The following ALS2CL variants were observed in gnomAD, a reference collection of about 807,000 sequenced individuals.
ALS2CL encodes ALS2 C-terminal-like protein.
Under a neutral mutation model 127.9 loss-of-function variants are expected in ALS2CL, and 112 were observed. That is an observed-to-expected ratio of 0.88 (90% CI 0.75 to 1.02). ALS2CL has a LOEUF of 1.02. ALS2CL is among the 50% of genes least tolerant of loss of function. The probability of loss-of-function intolerance (pLI) is 0.00; values close to 1 mark genes in which losing one functional copy is unlikely to be tolerated. For missense variants in ALS2CL, 1,174 were observed against 1,236.7 expected (o/e 0.95, Z 0.76); for synonymous variants, 519 against 527.6 (o/e 0.98, Z 0.22).
chr3:46,671,724 C>A, intron 24 of ALS2CL, 140 bp from the exon 25 acceptor site: 1 of 1,534,174 alleles, frequency 6.5e-7, no homozygotes, highest in Non-Finnish European at 8.8e-7. Context: ...AGCACCCCAG[C>A]ACCCTGGCTG....
At position 46,681,183 on chromosome 3, in the gene ALS2CL, A is replaced by G; in HGVS notation, c.1436+63T>C. The G allele has an allele frequency of 6.2e-7, 1 of 1,608,292 alleles. No individual in the cohort carries two copies. The highest frequency in any genetic ancestry group is 8.5e-7 in the Non-Finnish European group (1 of 1,175,540). On this transcript the variant is annotated intron_variant, in intron 13 of 25. Transcript: ENST00000318962. The surrounding 1 kb of genome is among the most constrained non-coding windows in gnomAD (Gnocchi z 4.9). Reference sequence around the variant, plus strand: ...AAACAGGAGCCTGTGTCCTGCAACAATCTGGTCTGTGAGGGCCCGGTCCAC... The same window carrying G: ...AAACAGGAGCCTGTGTCCTGCAACAGTCTGGTCTGTGAGGGCCCGGTCCAC...
rs1414325367 is a variant in ALS2CL, at chr3:46,678,247, C to CCAGGCACT, written c.1757+4_1757+11dup. 1.3e-6 allele frequency: 2 copies of CCAGGCACT among 1,568,782 alleles called. No homozygotes were observed. Among genetic ancestry groups the CCAGGCACT allele is most frequent in the East Asian group, 4.6e-5 (2 of 43,828 alleles). On this transcript the variant is annotated intron_variant, in intron 16 of 25. Coordinates refer to ENST00000318962, the MANE Select transcript of ALS2CL (RefSeq NM_147129.5). ...CCAGATAGGCCCAGAGCCAGAGGGG[C>CCAGGCACT]CAGGCACTCACCTCTTGCAGGTACT...
chr3:46,674,520 G>A (rs369570264), intron 21 of ALS2CL, 46 bp downstream of exon 21: 24 of 1,579,602 alleles, frequency 1.5e-5, no homozygotes, highest in African/African-American at 2.7e-5. Flanking sequence ...AGTCTGAGTC[G>A]AGTTTGAGTC....
In ALS2CL at chr3:46,682,106, T is replaced by C; in HGVS notation, c.1110-12A>G. ...ATTTCAGGGTTCCCCTGGAACACAG[T>C]GGAGGTTCACGAGCCTCAGGCCTAC... On this transcript the variant is annotated splice_polypyrimidine_tract_variant and intron_variant, in intron 10 of 25. Transcript: ENST00000318962. 3.7e-6 allele frequency: 6 copies of C among 1,613,422 alleles called. No homozygotes were observed. Among genetic ancestry groups the C allele is most frequent in the Non-Finnish European group, 5.1e-6 (6 of 1,179,802 alleles).
chr3:46,671,691 G>A, intron 24 of ALS2CL, 107 bp from the exon 25 acceptor site: 1 of 1,577,462 alleles, frequency 6.3e-7, no homozygotes, highest in Non-Finnish European at 8.6e-7. Flanking sequence ...GGACACCTGG[G>A]GTGTGGTCCT....
chr3:46,682,276 C>G (rs1396796499), intron 10 of ALS2CL, among the ~76,000 whole-genome samples, 182 bp from the exon 11 acceptor site: 2 of 152,236 alleles, frequency 1.3e-5, no homozygotes, highest in African/African-American at 4.8e-5. Context: ...TTTTCTACTC[C>G]TGGCCCAACT....
At position 46,683,781 on chromosome 3, in the gene ALS2CL, C is replaced by T. The variant is rs1301700159; in HGVS notation, c.912+1G>A. 14 of 1,614,008 alleles carry T rather than the reference C, an allele frequency of 8.7e-6. No individual in the cohort carries two copies. Among genetic ancestry groups the T allele is most frequent in the Middle Eastern group, 1.6e-4 (1 of 6,082 alleles). On this transcript the variant is annotated splice_donor_variant, in intron 9 of 25. Transcript: ENST00000318962. LOFTEE classifies it high-confidence loss of function. ...GCAGTTCACAGCTCACCCACACTCACCTGGCCCTGGGAGTCCTTGGCACAA... is the reference window on the plus strand; with the variant it reads ...GCAGTTCACAGCTCACCCACACTCATCTGGCCCTGGGAGTCCTTGGCACAA...
At position 46,678,325 on chromosome 3, in the gene ALS2CL, C is replaced by T; in HGVS notation, c.1691G>A (p.Gly564Glu). The change falls in exon 16 of 26, where the codon GGA becomes GAA. Residue 564 changes from glycine to glutamate, a missense_variant. Physicochemically the swap from Gly to Glu is moderately conservative, Grantham distance 98. Transcript: ENST00000318962. ...GTCCAGCACACCCTGTGTGTGCAGT[C>T]CTCTCCCTGCCCCACTGCCGAACGA... ...EGSFGSGAGR[G>E]LHTQGVLDTA... 6.2e-7 allele frequency: 1 copy of T among 1,613,374 alleles called. No homozygotes were observed. Among genetic ancestry groups the T allele is most frequent in the Non-Finnish European group, 8.5e-7 (1 of 1,179,590 alleles).
In ALS2CL at chr3:46,681,603, C is replaced by G. The variant is rs565153929; in HGVS notation, c.1176-5G>C. On this transcript the variant is annotated splice_region_variant and splice_polypyrimidine_tract_variant and intron_variant, in intron 11 of 25. Coordinates refer to ENST00000318962, the MANE Select transcript of ALS2CL (RefSeq NM_147129.5). This position sits in a 1 kb window ranked among gnomAD's most constrained non-coding sequence, Gnocchi z 4.9. The stretch of plus-strand genomic sequence containing the variant: ...GGCAGCAGGCGGATGCCGAAGCTGA[C>G]AGCATGGTTGTGGGGGTGGGGATCA... The G allele has an allele frequency of 1.2e-6, 2 of 1,614,018 alleles. No homozygotes were observed. Among genetic ancestry groups the G allele is most frequent in the Admixed American group, 3.3e-5 (2 of 60,004 alleles).
Position 46,680,470 on chromosome 3 carries a change from C to A in ALS2CL, c.1508G>T (p.Gly503Val), listed in dbSNP as rs201926220. Reference protein sequence around the residue: ...HGPGVMVTQAGVCYQGTFQAD... With the variant: ...HGPGVMVTQAVVCYQGTFQAD... ...CTGGAAGGTGCCCTGGTAGCAGACA[C>A]CTGCCTGGGTGACCATGACCCCTGG... The change falls in exon 14 of 26, where the codon GGT becomes GTT. Residue 503 changes from glycine (G) to valine (V), a missense_variant. By Grantham distance (109) the Gly-to-Val change is moderately radical (BLOSUM62 -3). Coordinates refer to ENST00000318962, the MANE Select transcript of ALS2CL (RefSeq NM_147129.5). 1.2e-6 allele frequency: 2 copies of A among 1,613,520 alleles called. No homozygotes were observed. Among genetic ancestry groups the A allele is most frequent in the South Asian group, 1.1e-5 (1 of 91,086 alleles).
intron 2 of ALS2CL, 69 bp from the exon 3 acceptor site, chr3:46,688,365 G>T: frequency 6.8e-7 from 1 of 1,473,546 alleles, no homozygotes; most frequent in Non-Finnish European, 9.3e-7. Flanking sequence ...ACATGCACAG[G>T]CCCCAGGTGT....
In ALS2CL at chr3:46,683,354, G is replaced by A. The variant is rs1040564894; in HGVS notation, c.913-28C>T. ...GGTGGGAGGGGGAACATGGGGAAGG[G>A]GATCACTGCTGCTGGAGGCTTTCCC... On this transcript the variant is annotated intron_variant, in intron 9 of 25. Transcript: ENST00000318962. 12 of 1,559,350 alleles carry A rather than the reference G, an allele frequency of 7.7e-6. No homozygotes were observed. The African/African-American group carries it at 1.2e-4, about 16-fold the overall frequency.
At chr3:46,692,199 G>A (rs919029725) in intron 1 of ALS2CL, among the ~76,000 whole-genome samples, 10 of 152,194 alleles carry the variant, frequency 6.6e-5, no homozygotes, top group South Asian at 2.1e-4. Context: ...CCAGCTCCCA[G>A]GCTAGGGAGT....
chr3:46,681,418 C>T lies in ALS2CL; in HGVS notation c.1275-11G>A, dbSNP rs199901519. 5.2e-5 allele frequency: 83 copies of T among 1,605,432 alleles called. No individual in the cohort carries two copies. In the East Asian group the frequency reaches 1.3e-3, roughly 25 times the overall value. On this transcript the variant is annotated splice_polypyrimidine_tract_variant and intron_variant, in intron 12 of 25. Coordinates refer to ENST00000318962, the MANE Select transcript of ALS2CL (RefSeq NM_147129.5). This position sits in a 1 kb window ranked among gnomAD's most constrained non-coding sequence, Gnocchi z 4.9. Reference sequence around the variant, plus strand: ...TCGTCGGTGCTGTACCTGGGGAGGGCCATCAACAACGAGCTCTGCCTCATG... The same window carrying T: ...TCGTCGGTGCTGTACCTGGGGAGGGTCATCAACAACGAGCTCTGCCTCATG...
chr3:46,683,227 G>A lies in ALS2CL; in HGVS notation c.1012C>T (p.Pro338Ser), dbSNP rs1699496749. 1 of 1,608,786 alleles carries A rather than the reference G, an allele frequency of 6.2e-7. No individual in the cohort carries two copies. The highest frequency in any genetic ancestry group is 2.2e-5 in the East Asian group (1 of 44,778). Reference sequence around the variant, plus strand: ...GTATATTCTGCGCAGCGGCAGTCGGGAGGCTGGGAGGGCTCCAGGCCAGCC... The same window carrying A: ...GTATATTCTGCGCAGCGGCAGTCGGAAGGCTGGGAGGGCTCCAGGCCAGCC... ...LGAGLEPSQP[P>S]DCRCAEYTFQ... The change falls in exon 10 of 26, where the codon CCC (proline) becomes TCC (serine). Residue 338 changes from proline (P) to serine (S), a missense_variant. By Grantham distance (74) the Pro-to-Ser change is moderately conservative (BLOSUM62 -1). Transcript: ENST00000318962.
rs1440867783 is a variant in ALS2CL at position 46,671,954 on chromosome 3, A to G, written c.2614T>C (p.Leu872=). 5.0e-6 allele frequency: 8 copies of G among 1,613,768 alleles called. No individual in the cohort carries two copies. The highest frequency in any genetic ancestry group is 4.4e-5 in the South Asian group (4 of 91,070). ...ATGGGCAGCTTGTACTCCCGGCCCAATACCCTCGACACCGTGCCCTCAATT... is the reference window on the plus strand; with the variant it reads ...ATGGGCAGCTTGTACTCCCGGCCCAGTACCCTCGACACCGTGCCCTCAATT... The part of the protein sequence containing the change: ...GEIEGTVSRV[L]GREYKLPMDD... Residue 872 remains leucine, a synonymous_variant, in exon 24 of 26, where the codon TTG becomes CTG. Transcript: ENST00000318962.
chr3:46,680,654 C>A (rs985566617), intron 13 of ALS2CL, 113 bp from the exon 14 acceptor site: 1 of 834,300 alleles, frequency 1.2e-6, no homozygotes, highest in South Asian at 1.6e-5. Flanking sequence ...GTGACATCAC[C>A]TGAATCCACT....
chr3:46,682,470 G>T (rs1052926987), intron 10 of ALS2CL, among the ~76,000 whole-genome samples: 1 of 152,136 alleles, frequency 6.6e-6, no homozygotes, highest in Non-Finnish European at 1.5e-5. Context: ...CTGTCCTTTT[G>T]TTCATAAGTC....
At chr3:46,682,548 T>C (rs754855220) in intron 10 of ALS2CL, among the ~76,000 whole-genome samples, 5 of 152,180 alleles carry the variant, frequency 3.3e-5, no homozygotes, top group Non-Finnish European at 7.4e-5. Context: ...AGTGTAGCCT[T>C]GTGAGTCCCT....
Sources: gnomAD v4.1 joint callset for allele counts (sites outside exome capture counted in the v4.1 genomes callset) on GRCh38, gnomAD v4.1.1 for gene constraint, Gnocchi (gnomAD v3.1) non-coding constraint, MANE v1.5 for transcripts, NCBI Gene and HGNC (gene_info 2026-07-23, HGNC 2026-07-21) for gene names.